Variants in FOCAD observed in about 807,000 individuals in gnomAD.
FOCAD encodes KIAA1797.
Under a neutral mutation model 225.6 loss-of-function variants are expected in FOCAD, and 198 were observed. The observed-to-expected ratio is 0.88, with a 90% CI of 0.78 to 0.99. The LOEUF is 0.99. Ranked by LOEUF, FOCAD falls within the 50% of genes least tolerant of loss-of-function variation. The probability of loss-of-function intolerance (pLI) is 0.00; values close to 1 mark genes in which losing one functional copy is unlikely to be tolerated. For missense variants in FOCAD, 2,713 were observed against 2,123.6 expected, an observed-to-expected ratio of 1.28 and a Z score of -5.46; for synonymous variants, 897 against 755.0, an observed-to-expected ratio of 1.19 and a Z score of -3.08.
chr9:20,949,823 G>A, intron 33 of FOCAD, 148 bp downstream of exon 33: 2 of 601,340 alleles, frequency 3.3e-6, no homozygotes, highest in South Asian at 2.5e-5. Flanking sequence ...TGGGAGTGAT[G>A]TGTGGACCTG....
At chr9:20,816,282 A>G (rs754582701) in intron 11 of FOCAD, among the ~76,000 whole-genome samples, 3 of 152,178 alleles carry the variant, frequency 2.0e-5, no homozygotes, top group Non-Finnish European at 2.9e-5. Flanking sequence ...AAAACTAAGA[A>G]TCTGTCATTG....
chr9:20,706,676 T>C (rs1290202385), intron 1 of FOCAD, among the ~76,000 whole-genome samples: 1 of 152,210 alleles, frequency 6.6e-6, no homozygotes, highest in Non-Finnish European at 1.5e-5. Flanking sequence ...TTCATTTCTC[T>C]AGTGAAAATA....
At chr9:20,950,940 A>G in intron 33 of FOCAD, 56 bp from the exon 34 acceptor site, 1 of 1,484,132 alleles carries the variant, frequency 6.7e-7, no homozygotes, top group East Asian at 2.3e-5. Flanking sequence ...GTGACCTTTT[A>G]TTGAATGGAA....
chr9:20,933,159 C>T (rs1289586856), intron 28 of FOCAD, 56 bp downstream of exon 28: 1 of 1,204,196 alleles, frequency 8.3e-7, no homozygotes, highest in Non-Finnish European at 1.2e-6. Context: ...CCCTACACTG[C>T]CATAAGTCTT....
chr9:20,680,983 G>C (rs113041552), upstream of FOCAD, among the ~76,000 whole-genome samples: 6,646 of 152,128 alleles, frequency 0.044, 498 homozygotes, highest in African/African-American at 0.15. Flanking sequence ...GTGTGACAAA[G>C]TAAGATCCTG....
chr9:20,938,916 A>G (rs889240821), intron 28 of FOCAD, among the ~76,000 whole-genome samples: 25 of 151,684 alleles, frequency 1.6e-4, no homozygotes, highest in Non-Finnish European at 3.5e-4. Context: ...GTACCCTTAA[A>G]AATGATAAAG....
Position 20,910,969 on chromosome 9 carries a change from A to G in FOCAD, c.2719-1897A>G, listed in dbSNP as rs542136389. Among the ~76,000 whole-genome samples, 18 of 152,222 alleles carry G rather than the reference A, an allele frequency of 1.2e-4. No individual in the cohort carries two copies. In the South Asian group the frequency reaches 3.5e-3, roughly 30 times the overall value. On this transcript the variant is annotated intron_variant, in intron 22 of 43. Transcript: ENST00000338382. Reference sequence around the variant, plus strand: ...ACGGTAGGCCTTCTTAAGAAGGTGCATGTATTCTAGTTTTCTTGTGTTTTG... The same window carrying G: ...ACGGTAGGCCTTCTTAAGAAGGTGCGTGTATTCTAGTTTTCTTGTGTTTTG...
At chr9:20,702,225 C>T (rs979901785) in intron 1 of FOCAD, among the ~76,000 whole-genome samples, 1 of 152,040 alleles carries the variant, frequency 6.6e-6, no homozygotes, top group East Asian at 1.9e-4. Context: ...ACTGCAGCCT[C>T]CTGGGTAGCT....
chr9:20,692,112 G>A (rs569339548), intron 1 of FOCAD, among the ~76,000 whole-genome samples: 17 of 152,102 alleles, frequency 1.1e-4, no homozygotes, highest in African/African-American at 4.1e-4. Flanking sequence ...TTTCAGCCTC[G>A]CCTTCCCTTG....
At chr9:20,658,393 A>G (rs983035322) in exon 1 of FOCAD, 9 of 170,390 alleles carry the variant, frequency 5.3e-5, no homozygotes, top group South Asian at 1.7e-4. Flanking sequence ...GCCGCCTTGC[A>G]GGTTGATCTC....
At chr9:20,930,974 T>C (rs543885492) in intron 27 of FOCAD, among the ~76,000 whole-genome samples, 30 of 152,326 alleles carry the variant, frequency 2.0e-4, no homozygotes, top group African/African-American at 6.7e-4. Flanking sequence ...GCTCTTTCTT[T>C]GGTATCTTTT....
At chr9:20,769,901 C>A in intron 7 of FOCAD, 131 bp from the exon 8 acceptor site, 1 of 774,426 alleles carries the variant, frequency 1.3e-6, no homozygotes, top group East Asian at 2.7e-5. Context: ...AGTTCTGTAA[C>A]TTTTTTTCAT....
At chr9:20,667,786 T>C (rs1442414606) in intron 2 of FOCAD, among the ~76,000 whole-genome samples, 1 of 151,984 alleles carries the variant, frequency 6.6e-6, no homozygotes, top group Admixed American at 6.6e-5. Context: ...AATTAAGAAA[T>C]TAAAAACAAC....
intron 4 of FOCAD, among the ~76,000 whole-genome samples, chr9:20,721,564 T>C (rs1027294777): frequency 6.6e-6 from 1 of 151,892 alleles, no homozygotes; most frequent in Non-Finnish European, 1.5e-5. Context: ...TAGCTGGGCG[T>C]GGTGATGCGT....
intron 1 of FOCAD, among the ~76,000 whole-genome samples, chr9:20,687,570 A>G (rs1274164814): frequency 6.6e-6 from 1 of 152,244 alleles, no homozygotes; most frequent in East Asian, 1.9e-4. Flanking sequence ...ACCTGATTTT[A>G]GTATATGCTA....
chr9:20,681,990 A>G (rs982093276), upstream of FOCAD, among the ~76,000 whole-genome samples: 5 of 152,290 alleles, frequency 3.3e-5, no homozygotes, highest in Non-Finnish European at 7.4e-5. Flanking sequence ...CTAAACTCCA[A>G]TGCAACAGGA....
At chr9:20,898,181 T>G (rs937593417) in intron 21 of FOCAD, among the ~76,000 whole-genome samples, 5 of 151,918 alleles carry the variant, frequency 3.3e-5, no homozygotes, top group Admixed American at 1.3e-4. Context: ...ATTGCTTTTA[T>G]GTAGTTTAAA....
At chr9:20,693,469 T>C (rs1480380682) in intron 1 of FOCAD, among the ~76,000 whole-genome samples, 1 of 152,222 alleles carries the variant, frequency 6.6e-6, no homozygotes, top group Non-Finnish European at 1.5e-5. Context: ...TGCTTATTCT[T>C]GTCTTGCCTC....
chr9:20,669,123 C>G (rs552026739), intron 2 of FOCAD, among the ~76,000 whole-genome samples: 3 of 152,112 alleles, frequency 2.0e-5, no homozygotes, highest in Non-Finnish European at 4.4e-5. Context: ...TTGTGCTTCA[C>G]CAAGGACCAT....
Sources: allele counts gnomAD v4.1 joint callset (sites outside exome capture counted in the v4.1 genomes callset), GRCh38; gene constraint gnomAD v4.1.1; transcripts MANE v1.5; gene names NCBI Gene and HGNC (gene_info 2026-07-23, HGNC 2026-07-21).